The following BRF1 variants were observed in gnomAD, a reference collection of about 807,000 sequenced individuals.
The protein encoded by BRF1 is transcription factor IIIB 90 kDa subunit.
A neutral mutation model predicts 81.7 loss-of-function variants in BRF1; 59 were observed. The ratio of observed to expected loss-of-function variants is 0.72; its 90% CI spans 0.59 to 0.90. BRF1 has a LOEUF of 0.90. BRF1 is among the 40% of genes least tolerant of loss of function. The probability of loss-of-function intolerance (pLI) is 0.00; values close to 1 mark genes in which losing one functional copy is unlikely to be tolerated. For missense variants in BRF1, 1,050 were observed against 936.3 expected (o/e 1.12, Z -1.58); for synonymous variants, 491 against 395.6 (o/e 1.24, Z -2.86).
intron 6 of BRF1, among the ~76,000 whole-genome samples, chr14:105,229,518 T>G (rs1047974571): frequency 2.0e-5 from 3 of 152,182 alleles, no homozygotes; most frequent in East Asian, 1.9e-4. Context: ...ATTCCGGAGC[T>G]GGGGTAGTTG....
chr14:105,304,320 C>G (rs777239767), upstream of BRF1, among the ~76,000 whole-genome samples: 16 of 152,064 alleles, frequency 1.1e-4, no homozygotes, highest in Non-Finnish European at 1.5e-4. Flanking sequence ...TGAAACCCAT[C>G]TTTCCAAAAA....
At chr14:105,268,672 C>T (rs587640252) in intron 3 of BRF1, among the ~76,000 whole-genome samples, 1 of 152,324 alleles carries the variant, frequency 6.6e-6, no homozygotes, top group South Asian at 2.1e-4. Flanking sequence ...CACCCATGGG[C>T]TGGACGATAC....
At chr14:105,266,628 G>A (rs2056430918) in intron 3 of BRF1, among the ~76,000 whole-genome samples, 1 of 152,084 alleles carries the variant, frequency 6.6e-6, no homozygotes, top group Non-Finnish European at 1.5e-5. Context: ...TACATAGAGC[G>A]AAGGGCAGAA....
chr14:105,250,513 T>C, intron 5 of BRF1: 2 of 1,614,050 alleles, frequency 1.2e-6, no homozygotes, highest in Non-Finnish European at 1.7e-6. Flanking sequence ...ACACGGCCAG[T>C]GCCGTCCTGG....
intron 1 of BRF1, among the ~76,000 whole-genome samples, chr14:105,311,207 G>A (rs1298817268): frequency 6.6e-6 from 1 of 152,060 alleles, no homozygotes; most frequent in Non-Finnish European, 1.5e-5. Flanking sequence ...ACCCACTTCG[G>A]CCTCCCAAAG....
At chr14:105,310,026 C>A (rs1323584887) in intron 1 of BRF1, among the ~76,000 whole-genome samples, 1 of 151,376 alleles carries the variant, frequency 6.6e-6, no homozygotes, top group African/African-American at 2.4e-5. Context: ...CCTGGAGATC[C>A]ACCCGCCTCG....
intron 1 of BRF1, among the ~76,000 whole-genome samples, chr14:105,295,586 G>C (rs1360268995): frequency 6.6e-6 from 1 of 151,864 alleles, no homozygotes; most frequent in East Asian, 1.9e-4. Context: ...CAGGGTGACT[G>C]AGCAAGACCC....
chr14:105,295,148 C>T (rs943599053), intron 1 of BRF1, among the ~76,000 whole-genome samples: 2 of 151,936 alleles, frequency 1.3e-5, no homozygotes, highest in Non-Finnish European at 2.9e-5. Flanking sequence ...CAATATCCCA[C>T]GCAAGCATCA....
chr14:105,291,165 G>A (rs2057492456), intron 1 of BRF1, among the ~76,000 whole-genome samples: 1 of 152,160 alleles, frequency 6.6e-6, no homozygotes, highest in African/African-American at 2.4e-5. Context: ...TACAGCAAGG[G>A]AGGACCTGCG....
chr14:105,226,871 G>A, intron 7 of BRF1, 111 bp from the exon 8 acceptor site: 2 of 1,528,182 alleles, frequency 1.3e-6, no homozygotes, highest in Non-Finnish European at 1.8e-6. Flanking sequence ...TGCTTTGGGA[G>A]CCCAAGGTGG....
intron 14 of BRF1, 146 bp downstream of exon 14, chr14:105,218,852 T>A: frequency 8.6e-7 from 1 of 1,164,468 alleles, no homozygotes; most frequent in Non-Finnish European, 1.2e-6. Context: ...AGGACGTGGG[T>A]CTGGGGTCCA....
intron 3 of BRF1, among the ~76,000 whole-genome samples, chr14:105,270,101 C>T (rs1203135553): frequency 6.6e-6 from 1 of 152,192 alleles, no homozygotes; most frequent in Non-Finnish European, 1.5e-5. Context: ...CTGCATCATC[C>T]CTGTCCCTAA....
Position 105,210,494 on chromosome 14 carries a change from T to C in BRF1, c.*57A>G, listed in dbSNP as rs1020639330. ...GCTGCGGTCCTGGAAGCCCGTCTGA[T>C]GCTGAGGAGACCCGCGAGGCCCCCT... On this transcript the variant is annotated 3_prime_UTR_variant, in exon 18 of 18. Transcript: ENST00000547530. This position sits in a 1 kb window ranked among gnomAD's most constrained non-coding sequence, Gnocchi z 4.7. 21 of 1,597,492 alleles carry C rather than the reference T, an allele frequency of 1.3e-5. No homozygotes were observed. In the Admixed American group the frequency reaches 1.3e-4, roughly 10 times the overall value.
chr14:105,251,189 G>A, intron 5 of BRF1: 1 of 159,212 alleles, frequency 6.3e-6, no homozygotes, highest in East Asian at 1.8e-4. Context: ...GAGAAAACCT[G>A]TCATGCTGAA....
intron 1 of BRF1, among the ~76,000 whole-genome samples, chr14:105,287,236 T>C (rs773166983): frequency 5.3e-5 from 8 of 152,162 alleles, no homozygotes; most frequent in African/African-American, 1.9e-4. Flanking sequence ...AGGTGGACAT[T>C]TGGATTGTTC....
At chr14:105,241,493 G>C in intron 5 of BRF1, 79 bp from the exon 6 acceptor site, 4 of 1,568,712 alleles carry the variant, frequency 2.5e-6, no homozygotes, top group Non-Finnish European at 3.5e-6. Context: ...GCCCAGGGGT[G>C]GGGCAACCTG....
intron 1 of BRF1, chr14:105,314,463 CGGGG>C (rs1400026923): frequency 1.5e-5 from 2 of 134,568 alleles, no homozygotes; most frequent in African/African-American, 5.6e-5. Flanking sequence ...TCCCGGGGGG[CGGGG>C]CGGGGCGCCC....
chr14:105,244,637 C>T (rs587719817), intron 5 of BRF1, among the ~76,000 whole-genome samples: 3 of 151,696 alleles, frequency 2.0e-5, no homozygotes, highest in Admixed American at 6.6e-5. Flanking sequence ...AGGCGCACAG[C>T]GACAGAGGAA....
chr14:105,258,496 A>AGAACTCTATTT, intron 3 of BRF1, among the ~76,000 whole-genome samples: 1 of 148,024 alleles, frequency 6.8e-6, no homozygotes, highest in East Asian at 2.0e-4. Context: ...CTCAAAAAAA[A>AGAACTCTATTT]AAAAAGAAAT....
Sources: allele counts gnomAD v4.1 joint callset (sites outside exome capture counted in the v4.1 genomes callset), GRCh38; gene constraint gnomAD v4.1.1; non-coding constraint Gnocchi (gnomAD v3.1); transcripts MANE v1.5; gene names NCBI Gene and HGNC (gene_info 2026-07-23, HGNC 2026-07-21).